NIPAL2: variants seen among roughly 807,000 people sequenced by gnomAD.
NIPAL2 encodes the protein NIPA-like protein 2.
A neutral mutation model predicts 48.9 loss-of-function variants in NIPAL2; 43 were observed. That is an observed-to-expected ratio of 0.88 (90% CI 0.69 to 1.13). The LOEUF (loss-of-function observed/expected upper bound fraction) is 1.13, where lower values mean the gene tolerates loss of function less well. NIPAL2 is among the 50% of genes most tolerant of loss of function. The pLI is 0.00. For missense variants in NIPAL2, 446 were observed against 461.4 expected (o/e 0.97, Z 0.31); for synonymous variants, 167 against 174.6 (o/e 0.96, Z 0.34).
intron 1 of NIPAL2, among the ~76,000 whole-genome samples, chr8:98,260,207 T>A (rs962466379): frequency 3.9e-5 from 6 of 152,180 alleles, no homozygotes; most frequent in Non-Finnish European, 7.4e-5. Context: ...GTATTCACTA[T>A]AAGTGACCCC....
intron 8 of NIPAL2, among the ~76,000 whole-genome samples, chr8:98,196,281 C>T (rs968394700): frequency 1.3e-5 from 2 of 152,156 alleles, no homozygotes; most frequent in Non-Finnish European, 2.9e-5. Flanking sequence ...TCTCATCCAG[C>T]CCAGGATTGC....
chr8:98,270,266 T>C (rs1331756618), intron 1 of NIPAL2, among the ~76,000 whole-genome samples: 2 of 152,212 alleles, frequency 1.3e-5, no homozygotes, highest in Non-Finnish European at 2.9e-5. Flanking sequence ...TCCAAACTGC[T>C]TTCCACAGGG....
At chr8:98,234,696 T>G (rs1812617917) in intron 4 of NIPAL2, among the ~76,000 whole-genome samples, 1 of 144,320 alleles carries the variant, frequency 6.9e-6, no homozygotes, top group African/African-American at 2.5e-5. Flanking sequence ...TACAAGTGCA[T>G]GACACCACAC....
chr8:98,242,736 G>A (rs529302466), intron 3 of NIPAL2, among the ~76,000 whole-genome samples: 17 of 152,110 alleles, frequency 1.1e-4, no homozygotes, highest in South Asian at 1.0e-3. Flanking sequence ...CTCCCGCCTT[G>A]GCCTCGCAAA....
rs1185611048 is a variant in NIPAL2, at chr8:98,205,190, T to C, written c.712A>G (p.Met238Val). 1.9e-6 allele frequency: 3 copies of C among 1,613,364 alleles called. No individual in the cohort carries two copies. The highest frequency in any genetic ancestry group is 4.5e-5 in the East Asian group (2 of 44,872). Residue 238 changes from methionine to valine, a missense_variant, in exon 7 of 11, where the codon ATG (methionine) becomes GTG (valine). Coordinates refer to ENST00000430223, the MANE Select transcript of NIPAL2 (RefSeq NM_001321635.2). ...GGGTAAGTTAGTTGCATTTTATCCA[T>C]CACAGAAAAAGTGATCATGCCTGAG... is the stretch of plus-strand genomic sequence containing the variant. ...AVSGMITFSV[M>V]DKMQLTYPIF...
intron 6 of NIPAL2, among the ~76,000 whole-genome samples, chr8:98,210,961 G>T (rs1340408980): frequency 6.6e-6 from 1 of 152,172 alleles, no homozygotes; most frequent in Admixed American, 6.5e-5. Flanking sequence ...AAAGGGTGCT[G>T]GCTGTGGCAC....
intron 1 of NIPAL2, among the ~76,000 whole-genome samples, chr8:98,279,263 G>C (rs1290332459): frequency 6.6e-6 from 1 of 152,148 alleles, no homozygotes; most frequent in Non-Finnish European, 1.5e-5. Context: ...ACAGTAACTT[G>C]AGGTAACCAT....
intron 3 of NIPAL2, among the ~76,000 whole-genome samples, chr8:98,246,907 A>T (rs1015435136): frequency 6.6e-6 from 1 of 152,208 alleles, no homozygotes; most frequent in Non-Finnish European, 1.5e-5. Flanking sequence ...GAAGTCTGCC[A>T]TGAAGCTATT....
intron 1 of NIPAL2, among the ~76,000 whole-genome samples, chr8:98,268,637 C>G (rs532587623): frequency 0.014 from 1,959 of 140,376 alleles, 52 homozygotes; most frequent in African/African-American, 0.048. Flanking sequence ...AAAAAAAAAA[C>G]AAGAAGAAAG....
intron 7 of NIPAL2, 145 bp from the exon 8 acceptor site, chr8:98,203,341 A>G: frequency 3.0e-6 from 2 of 657,280 alleles, no homozygotes; most frequent in Non-Finnish European, 2.7e-6. Context: ...ATCAGCAGTC[A>G]TAGCTTATAT....
At chr8:98,266,952 C>T (rs1231124323) in intron 1 of NIPAL2, among the ~76,000 whole-genome samples, 4 of 151,536 alleles carry the variant, frequency 2.6e-5, no homozygotes, top group African/African-American at 7.3e-5. Flanking sequence ...AATGACAAAG[C>T]AATCATATAA....
At chr8:98,289,545 C>T (rs539476429) in intron 1 of NIPAL2, among the ~76,000 whole-genome samples, 13 of 151,226 alleles carry the variant, frequency 8.6e-5, no homozygotes, top group African/African-American at 7.3e-5. Context: ...GGGACAGCAT[C>T]GTTCTATGTT....
intron 1 of NIPAL2, among the ~76,000 whole-genome samples, chr8:98,289,070 A>AT (rs549142534): frequency 1.2e-3 from 178 of 152,102 alleles, no homozygotes; most frequent in African/African-American, 4.0e-3. Flanking sequence ...CCAACTATCC[A>AT]TTTTTTCCAC....
chr8:98,267,046 A>AT lies in NIPAL2; in HGVS notation c.136-12960dup, dbSNP rs968208564. On this transcript the variant is annotated intron_variant, in intron 1 of 10. Transcript: ENST00000430223. Reference sequence around the variant, plus strand: ...AGGTTTTGCTGTTTCTTTATTCCCCATTTTTTTTGCCTCAGGGTGTATGCA... The same window carrying AT: ...AGGTTTTGCTGTTTCTTTATTCCCCATTTTTTTTTGCCTCAGGGTGTATGCA... 1.5e-4 allele frequency among the ~76,000 whole-genome samples: 23 copies of AT among 150,102 alleles called. 1 individual carries two copies. Among genetic ancestry groups the AT allele is most frequent in the Non-Finnish European group, 3.0e-5 (2 of 67,548 alleles).
At chr8:98,285,484 T>C (rs1177495741) in intron 1 of NIPAL2, among the ~76,000 whole-genome samples, 3 of 152,046 alleles carry the variant, frequency 2.0e-5, no homozygotes, top group Non-Finnish European at 4.4e-5. Context: ...GTTGAGAAAG[T>C]CAAGCTCTTT....
Position 98,205,207 on chromosome 8 carries a change from A to T in NIPAL2, c.695T>A (p.Met232Lys). 2 of 1,613,780 alleles carry T rather than the reference A, an allele frequency of 1.2e-6. No individual in the cohort carries two copies. The highest frequency in any genetic ancestry group is 1.7e-6 in the Non-Finnish European group (2 of 1,179,878). ...TTTATCCATCACAGAAAAAGTGATC[A>T]TGCCTGAGACGGCCTTTACTGAAAT... ...TVISVKAVSGMITFSVMDKMQ... is the reference protein window; with the variant it reads ...TVISVKAVSGKITFSVMDKMQ... The change falls in exon 7 of 11, where the codon ATG becomes AAG. Residue 232 changes from methionine to lysine, a missense_variant. By Grantham distance (95) the Met-to-Lys change is moderately conservative. Transcript: ENST00000430223.
In NIPAL2 at chr8:98,284,847, C is replaced by T. The variant is rs191576399; in HGVS notation, c.135+9156G>A. The stretch of plus-strand genomic sequence containing the variant: ...AGCTAAATGCACTAAACTTGTCCTA[C>T]CTACTGAAGAGGTGTTTGTTGATGA... On this transcript the variant is annotated intron_variant, in intron 1 of 10. Transcript: ENST00000430223. Among the ~76,000 whole-genome samples the T allele has an allele frequency of 1.1e-3, 169 of 152,168 alleles. 1 individual carries two copies. The highest frequency in any genetic ancestry group is 2.0e-3 in the Non-Finnish European group (134 of 68,008).
At chr8:98,213,964 G>A (rs536022548) in intron 5 of NIPAL2, among the ~76,000 whole-genome samples, 1 of 152,192 alleles carries the variant, frequency 6.6e-6, no homozygotes, top group Admixed American at 6.5e-5. Flanking sequence ...TCTGGTGCCT[G>A]GCATACAGTC....
chr8:98,205,086 A>G, intron 7 of NIPAL2, 25 bp downstream of exon 7: 1 of 1,610,276 alleles, frequency 6.2e-7, no homozygotes, highest in Non-Finnish European at 8.5e-7. Context: ...TTGAAAGATT[A>G]GTGAGTATGC....
Sources: gnomAD v4.1 joint callset for allele counts (sites outside exome capture counted in the v4.1 genomes callset) on GRCh38, gnomAD v4.1.1 for gene constraint, MANE v1.5 for transcripts, NCBI Gene and HGNC (gene_info 2026-07-23, HGNC 2026-07-21) for gene names.